The following HERC2 variants were observed in gnomAD, a reference collection of about 807,000 sequenced individuals.
HERC2 encodes the protein HECT and RLD domain containing E3 ubiquitin protein ligase 2.
A neutral mutation model predicts 537.7 loss-of-function variants in HERC2; 102 were observed. The ratio of observed to expected loss-of-function variants is 0.19; its 90% CI spans 0.16 to 0.22. The LOEUF (loss-of-function observed/expected upper bound fraction) is 0.22, where lower values mean the gene tolerates loss of function less well. Ranked by LOEUF, HERC2 falls within the 10% of genes least tolerant of loss-of-function variation. HERC2 has a pLI of 1.00. For missense variants in HERC2, 4,236 were observed against 6,198.2 expected (o/e 0.68, Z 10.63); for synonymous variants, 2,224 against 2,466.2 (o/e 0.90, Z 2.91).
chr15:28,308,744 G>T (rs2076860472), intron 2 of HERC2, among the ~76,000 whole-genome samples: 1 of 152,182 alleles, frequency 6.6e-6, no homozygotes. Context: ...AGTTTTAAGA[G>T]ATTTTATCAT....
chr15:28,307,901 C>T (rs1411259395), intron 2 of HERC2, among the ~76,000 whole-genome samples: 5 of 152,206 alleles, frequency 3.3e-5, no homozygotes, highest in East Asian at 3.9e-4. Flanking sequence ...TATTCTGTTC[C>T]GTTGGTCTGT....
intron 69 of HERC2, 72 bp downstream of exon 69, chr15:28,163,022 C>G: frequency 1.5e-6 from 2 of 1,301,848 alleles, no homozygotes; most frequent in Non-Finnish European, 2.1e-6. Flanking sequence ...CATAGCAGCT[C>G]TCCTTTGGAG....
intron 11 of HERC2, 114 bp downstream of exon 11, chr15:28,269,134 C>A (rs2240201): frequency 2.7e-6 from 2 of 752,188 alleles, no homozygotes; most frequent in African/African-American, 1.8e-5. Context: ...ATAAACAGAA[C>A]TTTGTCAATC....
At chr15:28,301,380 A>T (rs1486846320) in intron 2 of HERC2, among the ~76,000 whole-genome samples, 2 of 151,720 alleles carry the variant, frequency 1.3e-5, no homozygotes, top group African/African-American at 4.8e-5. Context: ...ATGCCACTGC[A>T]CTCCAGCCTG....
At chr15:28,229,396 T>C (rs1437782697) in intron 33 of HERC2, 50 bp from the exon 34 acceptor site, 8 of 1,613,460 alleles carry the variant, frequency 5.0e-6, no homozygotes, top group Non-Finnish European at 6.8e-6. Context: ...CAGACTTCTG[T>C]TACAGAACAA....
At chr15:28,228,155 G>C in intron 35 of HERC2, 63 bp downstream of exon 35, 2 of 1,286,178 alleles carry the variant, frequency 1.6e-6, no homozygotes, top group Non-Finnish European at 2.1e-6. Flanking sequence ...GAAAAGAAAA[G>C]AAAAGAAATC....
At position 28,245,902 on chromosome 15, in the gene HERC2, A is replaced by T. The variant is rs1225050335; in HGVS notation, c.3556T>A (p.Leu1186Ile). ...PGKERDDHEE[L>I]AWPGIMESFF... ...GTACCCATTATGCCAGGCCAGGCTAACTCTTCATGATCATCCCGTTCCTTT... is the reference window on the plus strand; with the variant it reads ...GTACCCATTATGCCAGGCCAGGCTATCTCTTCATGATCATCCCGTTCCTTT... Residue 1186 changes from leucine to isoleucine, a missense_variant, in exon 23 of 93, where the codon TTA becomes ATA. Physicochemically the swap from Leu to Ile is conservative, Grantham distance 5 (BLOSUM62 2). This residue lies in a region of HERC2 where 754 missense variants were observed against 1,085.0 expected (regional missense o/e 0.69). Transcript: ENST00000261609. The T allele has an allele frequency of 6.2e-7, 1 of 1,613,894 alleles. No individual in the cohort carries two copies.
chr15:28,184,419 T>C (rs1896107114), intron 56 of HERC2, among the ~76,000 whole-genome samples: 1 of 152,154 alleles, frequency 6.6e-6, no homozygotes, highest in Non-Finnish European at 1.5e-5. Flanking sequence ...CTGAAGTTAT[T>C]AGCTAATTAA....
At chr15:28,166,448 A>C (rs1471479551) in intron 68 of HERC2, among the ~76,000 whole-genome samples, 1 of 152,224 alleles carries the variant, frequency 6.6e-6, no homozygotes, top group Non-Finnish European at 1.5e-5. Flanking sequence ...GTTCATGTGT[A>C]TAGGTCTATT....
intron 71 of HERC2, 80 bp from the exon 72 acceptor site, chr15:28,144,884 A>G: frequency 6.3e-7 from 1 of 1,578,146 alleles, no homozygotes; most frequent in South Asian, 1.1e-5. Context: ...GCAAAGCAGA[A>G]TGATTTCCGT....
intron 35 of HERC2, among the ~76,000 whole-genome samples, chr15:28,227,457 A>G (rs984787586): frequency 2.1e-5 from 3 of 144,238 alleles, no homozygotes; most frequent in African/African-American, 5.2e-5. Context: ...GCCTTCATCC[A>G]AAAAAAAAAA....
chr15:28,123,580 A>T lies in HERC2; in HGVS notation c.13188+457T>A, dbSNP rs1031824285. Among the ~76,000 whole-genome samples, 3 of 152,292 alleles carry T rather than the reference A, an allele frequency of 2.0e-5. No individual in the cohort carries two copies. The East Asian group carries it at 5.8e-4, about 29-fold the overall frequency. ...CTCACTTGGCCAGCAATCTCTACAC[A>T]TTCAGGCACGGACCTTCGAGGTGAT... On this transcript the variant is annotated intron_variant, in intron 85 of 92. Coordinates refer to ENST00000261609, the MANE Select transcript of HERC2 (RefSeq NM_004667.6).
At chr15:28,140,225 T>TG (rs1031768123) in intron 78 of HERC2, among the ~76,000 whole-genome samples, 5 of 152,088 alleles carry the variant, frequency 3.3e-5, no homozygotes, top group African/African-American at 4.8e-5. Flanking sequence ...ACTGGAAGCC[T>TG]GGGAACGCTC....
chr15:28,243,129 G>A (rs950360996), intron 23 of HERC2, among the ~76,000 whole-genome samples: 1 of 152,152 alleles, frequency 6.6e-6, no homozygotes, highest in Non-Finnish European at 1.5e-5. Flanking sequence ...TTCAGACAAA[G>A]GTGACATCCC....
chr15:28,303,960 G>A (rs1486119823), intron 2 of HERC2, among the ~76,000 whole-genome samples: 3 of 152,112 alleles, frequency 2.0e-5, no homozygotes, highest in Non-Finnish European at 2.9e-5. Flanking sequence ...GAGGTCAGGA[G>A]TTCAAGACCA....
At chr15:28,296,132 A>G in intron 3 of HERC2, among the ~76,000 whole-genome samples, 1 of 152,166 alleles carries the variant, frequency 6.6e-6, no homozygotes, top group African/African-American at 2.4e-5. Flanking sequence ...AAAAACAATT[A>G]TGCTCTGCTT....
At chr15:28,165,170 A>T (rs1414943674) in intron 68 of HERC2, among the ~76,000 whole-genome samples, 1 of 152,204 alleles carries the variant, frequency 6.6e-6, no homozygotes, top group Non-Finnish European at 1.5e-5. Context: ...CTCTGGGTCA[A>T]CATGGAGGTG....
chr15:28,235,814 G>A (rs1368380934), intron 26 of HERC2, among the ~76,000 whole-genome samples: 2 of 152,124 alleles, frequency 1.3e-5, no homozygotes, highest in African/African-American at 2.4e-5. Flanking sequence ...TGAACACCTC[G>A]CATGGTAACT....
intron 2 of HERC2, 74 bp downstream of exon 2, chr15:28,321,287 TA>T (rs199866264): frequency 1.3e-4 from 83 of 633,816 alleles, no homozygotes; most frequent in Non-Finnish European, 1.6e-4. Context: ...TTACATACCC[TA>T]AAAAAAAGCC....
Sources: allele counts gnomAD v4.1 joint callset (sites outside exome capture counted in the v4.1 genomes callset), GRCh38; gene constraint gnomAD v4.1.1; regional missense constraint gnomAD v4.1.1; transcripts MANE v1.5; gene names NCBI Gene and HGNC (gene_info 2026-07-23, HGNC 2026-07-21).